Variants in LHFPL3 observed in about 807,000 individuals in gnomAD.
LHFPL3 encodes LHFPL tetraspan subfamily member 3, also known as LHFPL tetraspan subfamily member 3 protein.
A neutral mutation model predicts 19.3 loss-of-function variants in LHFPL3; 5 were observed. That is an observed-to-expected ratio of 0.26 (90% CI 0.14 to 0.54). The LOEUF (loss-of-function observed/expected upper bound fraction) is 0.54, where lower values mean the gene tolerates loss of function less well. Ranked by LOEUF, LHFPL3 falls within the 20% of genes least tolerant of loss-of-function variation. The probability of loss-of-function intolerance (pLI) is 0.94; values close to 1 mark genes in which losing one functional copy is unlikely to be tolerated. For missense variants in LHFPL3, 249 were observed against 307.4 expected, an observed-to-expected ratio of 0.81 and a Z score of 1.42; for synonymous variants, 133 against 126.2, an observed-to-expected ratio of 1.05 and a Z score of -0.36.
chr7:104,374,366 C>T (rs1002178098), intron 1 of LHFPL3, among the ~76,000 whole-genome samples: 16 of 151,874 alleles, frequency 1.1e-4, no homozygotes, highest in Non-Finnish European at 1.8e-4. Context: ...CTCAGCCTCC[C>T]GAGTAGCTGG....
chr7:104,661,858 A>G (rs930001572), intron 1 of LHFPL3, among the ~76,000 whole-genome samples: 1 of 152,138 alleles, frequency 6.6e-6, no homozygotes, highest in Non-Finnish European at 1.5e-5. Flanking sequence ...CTTTTTTGGC[A>G]TATCCAAATT....
chr7:104,382,838 C>T (rs781350533), intron 1 of LHFPL3, among the ~76,000 whole-genome samples: 2 of 152,244 alleles, frequency 1.3e-5, no homozygotes, highest in African/African-American at 2.4e-5. Context: ...TGGCACTCAC[C>T]TGCTGTATGA....
intron 2 of LHFPL3, among the ~76,000 whole-genome samples, chr7:104,817,621 G>A (rs546335018): frequency 6.6e-6 from 1 of 152,016 alleles, no homozygotes; most frequent in Non-Finnish European, 1.5e-5. Flanking sequence ...CTTCATCATA[G>A]AGCCCTGAGG....
At chr7:104,504,100 T>G (rs1192802488) in intron 1 of LHFPL3, among the ~76,000 whole-genome samples, 1 of 152,228 alleles carries the variant, frequency 6.6e-6, no homozygotes, top group Non-Finnish European at 1.5e-5. Context: ...TCTGTCTTCG[T>G]GAATCTATTT....
chr7:104,862,580 T>G (rs1791635655), intron 2 of LHFPL3, among the ~76,000 whole-genome samples: 1 of 152,148 alleles, frequency 6.6e-6, no homozygotes, highest in Non-Finnish European at 1.5e-5. Context: ...TAATGCTTCC[T>G]TCTGCTTTGG....
At chr7:104,552,717 G>A (rs1029385961) in intron 1 of LHFPL3, among the ~76,000 whole-genome samples, 2 of 152,172 alleles carry the variant, frequency 1.3e-5, no homozygotes, top group African/African-American at 4.8e-5. Flanking sequence ...GTGTATATAT[G>A]TAAATTTTAT....
At chr7:104,403,651 A>C (rs1269438371) in intron 1 of LHFPL3, among the ~76,000 whole-genome samples, 1 of 152,206 alleles carries the variant, frequency 6.6e-6, no homozygotes, top group Non-Finnish European at 1.5e-5. Flanking sequence ...AAAGATGAGA[A>C]AGATTACAAA....
chr7:104,875,753 G>T (rs1791926435), intron 2 of LHFPL3, among the ~76,000 whole-genome samples: 1 of 152,180 alleles, frequency 6.6e-6, no homozygotes, highest in Admixed American at 6.5e-5. Context: ...TCCCAGTTTG[G>T]TCAAGTACTG....
intron 1 of LHFPL3, among the ~76,000 whole-genome samples, chr7:104,664,276 A>T (rs2116001303): frequency 6.6e-6 from 1 of 151,920 alleles, no homozygotes; most frequent in South Asian, 2.1e-4. Flanking sequence ...CTTGTACCAA[A>T]TTAGCCATTT....
At chr7:104,800,671 A>G (rs1790227067) in intron 2 of LHFPL3, among the ~76,000 whole-genome samples, 1 of 152,052 alleles carries the variant, frequency 6.6e-6, no homozygotes, top group African/African-American at 2.4e-5. Flanking sequence ...ACCTCCTACC[A>G]TCATCTACCC....
chr7:104,632,631 C>A (rs2080484), intron 1 of LHFPL3, among the ~76,000 whole-genome samples: 142,131 of 152,246 alleles, frequency 0.93, 66,998 homozygotes, highest in Non-Finnish European at 1. Flanking sequence ...GTTCAGGGCA[C>A]CATGTTAGAT....
intron 1 of LHFPL3, among the ~76,000 whole-genome samples, chr7:104,510,345 A>T (rs1262334446): frequency 6.6e-6 from 1 of 152,148 alleles, no homozygotes; most frequent in East Asian, 1.9e-4. Flanking sequence ...TTTCTAGCTA[A>T]AGTAATCAAG....
intron 1 of LHFPL3, among the ~76,000 whole-genome samples, chr7:104,577,267 G>A (rs2116008697): frequency 6.6e-6 from 1 of 152,260 alleles, no homozygotes; most frequent in Non-Finnish European, 1.5e-5. Flanking sequence ...ATGCACTCAA[G>A]GAGAGGCACA....
intron 1 of LHFPL3, among the ~76,000 whole-genome samples, chr7:104,687,339 A>T (rs925186381): frequency 1.3e-5 from 2 of 152,238 alleles, no homozygotes; most frequent in African/African-American, 4.8e-5. Flanking sequence ...GTGTTCAGCT[A>T]TCTGGAAGCT....
At chr7:104,744,714 C>A (rs1794006708) in intron 2 of LHFPL3, among the ~76,000 whole-genome samples, 1 of 152,200 alleles carries the variant, frequency 6.6e-6, no homozygotes, top group African/African-American at 2.4e-5. Flanking sequence ...AACTTTCAAT[C>A]CTTATATTGA....
chr7:104,379,059 T>C (rs1790770201), intron 1 of LHFPL3, among the ~76,000 whole-genome samples: 1 of 152,208 alleles, frequency 6.6e-6, no homozygotes, highest in Non-Finnish European at 1.5e-5. Flanking sequence ...CGGGGACCCA[T>C]CATATAAGGT....
chr7:104,673,719 T>C (rs1243385604), intron 1 of LHFPL3, among the ~76,000 whole-genome samples: 1 of 152,194 alleles, frequency 6.6e-6, no homozygotes. Context: ...TTAGAAACAT[T>C]GCCCATGGGA....
rs147709118 is a variant in LHFPL3 at position 104,657,920 on chromosome 7, G to A, written c.446-78755G>A. Among the ~76,000 whole-genome samples the A allele has an allele frequency of 6.4e-3, 973 of 152,340 alleles. 13 individuals are homozygous for A. The highest frequency in any genetic ancestry group is 0.022 in the African/African-American group (918 of 41,566). On this transcript the variant is annotated intron_variant, in intron 1 of 2. Coordinates refer to ENST00000424859, the MANE Select transcript of LHFPL3 (RefSeq NM_199000.3). ...GTTTTATTTGGCTACTAACTTGCCA[G>A]TAGAGAGCAATTACAGTGATATGTG...
At chr7:104,613,282 C>T (rs369788556) in intron 1 of LHFPL3, among the ~76,000 whole-genome samples, 2 of 152,080 alleles carry the variant, frequency 1.3e-5, no homozygotes, top group African/African-American at 4.8e-5. Context: ...AAGCTCAATG[C>T]CCAGGTGGAA....
Sources: gnomAD v4.1 joint callset for allele counts (sites outside exome capture counted in the v4.1 genomes callset) on GRCh38, gnomAD v4.1.1 for gene constraint, MANE v1.5 for transcripts, NCBI Gene and HGNC (gene_info 2026-07-23, HGNC 2026-07-21) for gene names.